MARCHF8: variants seen among roughly 807,000 people sequenced by gnomAD.
The protein encoded by MARCHF8 is E3 ubiquitin-protein ligase MARCHF8.
Under a neutral mutation model 51.6 loss-of-function variants are expected in MARCHF8, and 40 were observed. The observed-to-expected ratio is 0.77, with a 90% CI of 0.60 to 1.01. The LOEUF (loss-of-function observed/expected upper bound fraction) is 1.01, where lower values mean the gene tolerates loss of function less well. MARCHF8 is among the 50% of genes least tolerant of loss of function. The pLI is 0.00. For missense variants in MARCHF8, 685 were observed against 708.6 expected (o/e 0.97, Z 0.38); for synonymous variants, 263 against 280.3 (o/e 0.94, Z 0.62).
intron 2 of MARCHF8, among the ~76,000 whole-genome samples, chr10:45,496,538 G>A (rs1289303415): frequency 6.6e-6 from 1 of 152,062 alleles, no homozygotes; most frequent in Non-Finnish European, 1.5e-5. Context: ...AAGATAATAA[G>A]GAGTGCTAAC....
rs35514763 is a variant in MARCHF8, at chr10:45,543,797, C to CAAA, written c.-78-10511_-78-10509dup. 2.7e-3 allele frequency among the ~76,000 whole-genome samples: 132 copies of CAAA among 49,674 alleles called. 5 individuals are homozygous for CAAA. Among genetic ancestry groups the CAAA allele is most frequent in the African/African-American group, 6.3e-3 (76 of 12,054 alleles). The allele number at this position is 49,674 out of a possible 152,430, so 32.6% of individuals were successfully genotyped here. ...TGGGTGACAGAGTGAGACTCCGTCT[C>CAAA]AAAAAAAAAAAAAAAAAAAAAAAGA... On this transcript the variant is annotated intron_variant, in intron 1 of 6. Coordinates refer to the MARCHF8 transcript ENST00000319836.
In MARCHF8 at chr10:45,552,216, G is replaced by A. The variant is rs528757188; in HGVS notation, c.-78-18927C>T. ...AGGTGAAAGAAAGAAAAGGAATACTGCTCCCATTTTCCCATGGTGAAATCC... is the reference window on the plus strand; with the variant it reads ...AGGTGAAAGAAAGAAAAGGAATACTACTCCCATTTTCCCATGGTGAAATCC... On this transcript the variant is annotated intron_variant, in intron 1 of 6. Transcript: ENST00000319836. Among the ~76,000 whole-genome samples, 195 of 151,680 alleles carry A rather than the reference G, an allele frequency of 1.3e-3. 4 individuals are homozygous for A. In the South Asian group the frequency reaches 0.039, roughly 31 times the overall value.
chr10:45,579,429 T>C (rs960965328), intron 1 of MARCHF8, among the ~76,000 whole-genome samples: 1 of 136,722 alleles, frequency 7.3e-6, no homozygotes, highest in Non-Finnish European at 1.6e-5. Flanking sequence ...ACAAGCTATA[T>C]AAAGCAAATT....
At chr10:45,512,057 G>T (rs570436828) in intron 2 of MARCHF8, among the ~76,000 whole-genome samples, 2 of 150,122 alleles carry the variant, frequency 1.3e-5, no homozygotes, top group South Asian at 2.1e-4. Flanking sequence ...GTCTCTGCCC[G>T]GCCGCCCATC....
chr10:45,455,224 A>G lies in MARCHF8; in HGVS notation c.*3015T>C, dbSNP rs1334545549. 1 of 152,258 alleles carries G rather than the reference A, an allele frequency of 6.6e-6. No individual in the cohort carries two copies. Among genetic ancestry groups the G allele is most frequent in the East Asian group, 1.9e-4 (1 of 5,202 alleles). 9.4% of individuals were successfully genotyped at this position (152,258 alleles called of 1,614,324 possible). ...TTTGAAAACTAGGCCTACAAGACTGAAGAGTGGACTGAAGCAAAAAGGGGA... is the reference window on the plus strand; with the variant it reads ...TTTGAAAACTAGGCCTACAAGACTGGAGAGTGGACTGAAGCAAAAAGGGGA... On this transcript the variant is annotated 3_prime_UTR_variant, in exon 8 of 8. Coordinates refer to ENST00000453424, the MANE Select transcript of MARCHF8 (RefSeq NM_001282866.2).
chr10:45,557,736 G>A (rs1350196368), intron 1 of MARCHF8, among the ~76,000 whole-genome samples: 1 of 152,126 alleles, frequency 6.6e-6, no homozygotes, highest in African/African-American at 2.4e-5. Context: ...CAGCTAAGAG[G>A]AGGCCACACG....
chr10:45,521,099 T>C (rs1184447176), intron 2 of MARCHF8, among the ~76,000 whole-genome samples: 3 of 152,234 alleles, frequency 2.0e-5, no homozygotes, highest in Non-Finnish European at 4.4e-5. Context: ...AAACTCACTC[T>C]GCTTTGCTTT....
At chr10:45,510,708 G>T (rs1028822881) in intron 2 of MARCHF8, among the ~76,000 whole-genome samples, 1 of 152,012 alleles carries the variant, frequency 6.6e-6, no homozygotes, top group African/African-American at 2.4e-5. Context: ...ACCTCATTGT[G>T]GCAATAATGA....
chr10:45,546,816 A>T lies in MARCHF8; in HGVS notation c.-78-13527T>A, dbSNP rs2044128980. On this transcript the variant is annotated intron_variant, in intron 1 of 6. Transcript: ENST00000319836. ...AAAAAAGTTAACTACCAGAAAATAT[A>T]TATGCAATTACCAATAGTGAAGAAA... Among the ~76,000 whole-genome samples the T allele has an allele frequency of 2.0e-5, 3 of 152,040 alleles. No homozygotes were observed. In the South Asian group the frequency reaches 6.2e-4, roughly 32 times the overall value.
intron 1 of MARCHF8, among the ~76,000 whole-genome samples, chr10:45,556,952 TGTG>T (rs2044258140): frequency 1.3e-5 from 2 of 152,268 alleles, no homozygotes; most frequent in African/African-American, 2.4e-5. Flanking sequence ...GTTTTTTTCT[TGTG>T]GTAAAAAACA....
intron 2 of MARCHF8, among the ~76,000 whole-genome samples, chr10:45,509,028 A>G (rs1326693954): frequency 6.6e-6 from 1 of 152,172 alleles, no homozygotes; most frequent in African/African-American, 2.4e-5. Flanking sequence ...TTTCCCTCAG[A>G]GCCTTTTCAA....
chr10:45,588,052 G>T (rs7896175), intron 1 of MARCHF8, among the ~76,000 whole-genome samples: 54,105 of 151,640 alleles, frequency 0.36, 10,160 homozygotes, highest in African/African-American at 0.48. Context: ...AACCTTAATA[G>T]TGGAGCTATA....
chr10:45,474,128 C>A (rs1032892764), intron 3 of MARCHF8, among the ~76,000 whole-genome samples: 2 of 152,234 alleles, frequency 1.3e-5, no homozygotes, highest in Non-Finnish European at 2.9e-5. Flanking sequence ...AGCACAATTT[C>A]TGGCACACAG....
chr10:45,578,609 G>A (rs1278844201), intron 1 of MARCHF8, among the ~76,000 whole-genome samples: 1 of 152,114 alleles, frequency 6.6e-6, no homozygotes, highest in African/African-American at 2.4e-5. Flanking sequence ...TTAACACATT[G>A]TCAACAAATA....
chr10:45,464,404 G>T, intron 3 of MARCHF8, 77 bp from the exon 4 acceptor site: 2 of 1,218,078 alleles, frequency 1.6e-6, no homozygotes, highest in Non-Finnish European at 2.4e-6. Context: ...AATGGTGACA[G>T]GGAGAAACCC....
At chr10:45,501,900 G>C (rs1200575952) in intron 2 of MARCHF8, among the ~76,000 whole-genome samples, 1 of 152,004 alleles carries the variant, frequency 6.6e-6, no homozygotes, top group Non-Finnish European at 1.5e-5. Context: ...AACATCACTG[G>C]CCATTAGATA....
intron 2 of MARCHF8, among the ~76,000 whole-genome samples, chr10:45,526,492 C>T (rs979975752): frequency 3.3e-5 from 5 of 152,214 alleles, no homozygotes; most frequent in African/African-American, 1.2e-4. Context: ...TGGGAGTACA[C>T]AGGCTTCCGA....
Position 45,533,224 on chromosome 10 carries a change from T to C in MARCHF8, c.-13A>G, listed in dbSNP as rs1304653702. 4 of 1,598,162 alleles carry C rather than the reference T, an allele frequency of 2.5e-6. No homozygotes were observed. The highest frequency in any genetic ancestry group is 3.4e-6 in the Non-Finnish European group (4 of 1,175,124). ...GTGGCATGCTCATCCCAACCTCTTA[T>C]CTGGTCGTCTTCTTCACAGAAGAGA... On this transcript the variant is annotated 5_prime_UTR_variant, in exon 2 of 8. Coordinates refer to ENST00000453424, the MANE Select transcript of MARCHF8 (RefSeq NM_001282866.2).
At chr10:45,577,280 T>C (rs1202151769) in intron 1 of MARCHF8, among the ~76,000 whole-genome samples, 1 of 151,588 alleles carries the variant, frequency 6.6e-6, no homozygotes, top group African/African-American at 2.4e-5. Flanking sequence ...AAAAAAAAAA[T>C]TGAAAGGATG....
Sources: gnomAD v4.1 joint callset for allele counts (sites outside exome capture counted in the v4.1 genomes callset) on GRCh38, gnomAD v4.1.1 for gene constraint, MANE v1.5 for transcripts, NCBI Gene and HGNC (gene_info 2026-07-23, HGNC 2026-07-21) for gene names.